GPR139: variants seen among roughly 807,000 people sequenced by gnomAD.
GPR139 encodes the protein probable G protein-coupled receptor 139.
In GPR139, 12 loss-of-function variants were observed where a neutral mutation model predicts 25.8. That is an observed-to-expected ratio of 0.47 (90% confidence interval 0.30 to 0.75). GPR139 has a LOEUF of 0.75. Among genes scored for constraint, GPR139 ranks in the 30% least tolerant of loss-of-function variants. GPR139 has a pLI of 0.07. For synonymous variants in GPR139, 184 were observed against 179.9 expected, an observed-to-expected ratio of 1.02 and a Z score of -0.18; for missense variants, 380 against 450.2, an observed-to-expected ratio of 0.84 and a Z score of 1.41.
chr16:20,053,123 C>A (rs1044087353), intron 1 of GPR139, among the ~76,000 whole-genome samples: 1 of 152,070 alleles, frequency 6.6e-6, no homozygotes, highest in Non-Finnish European at 1.5e-5. Flanking sequence ...GAGACTTGCC[C>A]AAGGTTACAT....
intron 1 of GPR139, among the ~76,000 whole-genome samples, chr16:20,072,138 G>A (rs904526929): frequency 2.6e-5 from 4 of 152,140 alleles, no homozygotes; most frequent in Admixed American, 2.0e-4. Context: ...CTACCACCCC[G>A]GCAGGGCAAG....
Position 20,070,963 on chromosome 16 carries a change from T to A in GPR139, c.127+2527A>T. 3.0e-6 allele frequency: 3 copies of A among 985,546 alleles called. No individual in the cohort carries two copies. The South Asian group carries it at 1.4e-4, about 46-fold the overall frequency. The allele number at this position is 985,546 out of a possible 1,614,324, so 61.1% of individuals were successfully genotyped here. A position where few individuals can be genotyped will look rare whatever the true frequency, so the allele number is the denominator to read the frequency against. ...CTGTGTATCTCAGTCCCTCCTCTGGTCACTGGTGGGGCTGAGCAAGCAGAC... is the reference window on the plus strand; with the variant it reads ...CTGTGTATCTCAGTCCCTCCTCTGGACACTGGTGGGGCTGAGCAAGCAGAC... On this transcript the variant is annotated intron_variant, in intron 1 of 1. Coordinates refer to ENST00000570682, the MANE Select transcript of GPR139 (RefSeq NM_001002911.4).
intron 1 of GPR139, among the ~76,000 whole-genome samples, chr16:20,039,403 G>A (rs2057322559): frequency 6.6e-6 from 1 of 152,168 alleles, no homozygotes; most frequent in South Asian, 2.1e-4. Flanking sequence ...ATATCTTTTA[G>A]TTCTGCTACA....
intron 1 of GPR139, among the ~76,000 whole-genome samples, chr16:20,057,981 A>T (rs1328109562): frequency 6.6e-6 from 1 of 152,206 alleles, no homozygotes; most frequent in Non-Finnish European, 1.5e-5. Context: ...CCTGGCACAA[A>T]GTAGGGCCTC....
Position 20,031,290 on chromosome 16 carries a change from ACAGCAGAGGGAAGTGATGAATGACCT to A in GPR139, c.*419_*444del, listed in dbSNP as rs1176169402. Among the ~76,000 whole-genome samples the A allele has an allele frequency of 2.0e-5, 3 of 152,174 alleles. No individual in the cohort carries two copies. The highest frequency in any genetic ancestry group is 4.4e-5 in the Non-Finnish European group (3 of 68,028). On this transcript the variant is annotated 3_prime_UTR_variant, in exon 2 of 2. Coordinates refer to ENST00000570682, the MANE Select transcript of GPR139 (RefSeq NM_001002911.4). ...TAGTCATTATTGTTAGCTCCTGGGAACAGCAGAGGGAAGTGATGAATGACCTCAGCTCTCGGAAGAAGAGTGCAGGC... is the reference window on the plus strand; with the variant it reads ...TAGTCATTATTGTTAGCTCCTGGGAACAGCTCTCGGAAGAAGAGTGCAGGC...
chr16:20,039,551 C>T (rs1343536669), intron 1 of GPR139, among the ~76,000 whole-genome samples: 2 of 152,140 alleles, frequency 1.3e-5, no homozygotes, highest in African/African-American at 4.8e-5. Context: ...CCACTGTGCT[C>T]AGGGCACTTC....
intron 1 of GPR139, among the ~76,000 whole-genome samples, chr16:20,045,132 T>C (rs769180995): frequency 5.9e-5 from 9 of 151,758 alleles, no homozygotes; most frequent in African/African-American, 9.7e-5. Flanking sequence ...CCCGAGATGC[T>C]GGGATTACAG....
rs754787961 is a variant in GPR139, at chr16:20,032,482, T to C, written c.315A>G (p.Glu105=). 51 of 1,614,060 alleles carry C rather than the reference T, an allele frequency of 3.2e-5. No individual in the cohort carries two copies. In the East Asian group the frequency reaches 1.0e-3, roughly 32 times the overall value. Residue 105 remains glutamate, a synonymous_variant, in exon 2 of 2, where the codon GAA becomes GAG. Transcript: ENST00000570682. ...QMPQVPDKII[E]VLEFSSIHTS... ...TGTGGATGGATGAGAATTCCAGCAC[T>C]TCTATGATCTTGTCGGGGACCTGAG...
chr16:20,071,030 C>T, intron 1 of GPR139: 1 of 982,930 alleles, frequency 1.0e-6, no homozygotes, highest in Non-Finnish European at 1.2e-6. Flanking sequence ...TATCTATGAC[C>T]ACAGCAGTGC....
intron 1 of GPR139, among the ~76,000 whole-genome samples, chr16:20,041,899 A>G (rs11863324): frequency 0.01 from 1,546 of 152,314 alleles, 36 homozygotes; most frequent in African/African-American, 0.035. Flanking sequence ...ACCATGGGAA[A>G]GACAACCCCT....
At chr16:20,062,494 T>G (rs1301700527) in intron 1 of GPR139, among the ~76,000 whole-genome samples, 1 of 152,202 alleles carries the variant, frequency 6.6e-6, no homozygotes, top group Non-Finnish European at 1.5e-5. Flanking sequence ...TATAAAGCCT[T>G]CAGAACTGTG....
intron 1 of GPR139, among the ~76,000 whole-genome samples, chr16:20,059,954 G>A (rs932097400): frequency 6.6e-6 from 1 of 152,158 alleles, no homozygotes; most frequent in East Asian, 1.9e-4. Context: ...TGCAGAGGGA[G>A]GACACAAGGT....
intron 1 of GPR139, among the ~76,000 whole-genome samples, chr16:20,051,985 T>C (rs2057373810): frequency 6.6e-6 from 1 of 152,206 alleles, no homozygotes; most frequent in Non-Finnish European, 1.5e-5. Flanking sequence ...AGACTAGTAT[T>C]GGGGTACATA....
chr16:20,038,941 A>C (rs184867552), intron 1 of GPR139, among the ~76,000 whole-genome samples: 1 of 152,154 alleles, frequency 6.6e-6, no homozygotes, highest in African/African-American at 2.4e-5. Context: ...ACTGCCTGAA[A>C]TTCCATTTCT....
intron 1 of GPR139, among the ~76,000 whole-genome samples, chr16:20,047,186 C>G (rs561011603): frequency 6.6e-6 from 1 of 152,072 alleles, no homozygotes; most frequent in South Asian, 2.1e-4. Flanking sequence ...TCTCAGCTCA[C>G]TGCAGGCTCC....
At chr16:20,042,094 G>A (rs1207907813) in intron 1 of GPR139, among the ~76,000 whole-genome samples, 2 of 152,158 alleles carry the variant, frequency 1.3e-5, no homozygotes, top group African/African-American at 2.4e-5. Context: ...ACTGTGTGAT[G>A]GTGAACAAGT....
intron 1 of GPR139, among the ~76,000 whole-genome samples, chr16:20,052,335 C>G (rs1334034371): frequency 6.6e-6 from 1 of 152,180 alleles, no homozygotes; most frequent in African/African-American, 2.4e-5. Context: ...CAAGACAGGA[C>G]AGAGAAAGCG....
At chr16:20,048,045 G>A (rs2057360001) in intron 1 of GPR139, among the ~76,000 whole-genome samples, 1 of 152,154 alleles carries the variant, frequency 6.6e-6, no homozygotes, top group South Asian at 2.1e-4. Context: ...ATATTGCCAA[G>A]CTCTTACATA....
Position 20,029,470 on chromosome 16 carries a change from A to T in GPR139, c.*2265T>A, listed in dbSNP as rs1596462101. 7.3e-6 allele frequency among the ~76,000 whole-genome samples: 1 copy of T among 136,806 alleles called. No individual in the cohort carries two copies. The highest frequency in any genetic ancestry group is 2.3e-4 in the South Asian group (1 of 4,274). 89.8% of individuals were successfully genotyped at this position (136,806 alleles called of 152,430 possible). On this transcript the variant is annotated 3_prime_UTR_variant, in exon 2 of 2. Coordinates refer to ENST00000570682, the MANE Select transcript of GPR139 (RefSeq NM_001002911.4). The stretch of plus-strand genomic sequence containing the variant: ...GCATTTTTCAGAGCTACATGTTTAA[A>T]AAATAAATAAATAAATATATATATA...
Sources: allele counts gnomAD v4.1 joint callset (sites outside exome capture counted in the v4.1 genomes callset), GRCh38; gene constraint gnomAD v4.1.1; transcripts MANE v1.5; gene names NCBI Gene and HGNC (gene_info 2026-07-23, HGNC 2026-07-21).